The following CCSER1 variants were observed in gnomAD, a reference collection of about 807,000 sequenced individuals.
CCSER1 encodes the protein coiled-coil serine rich protein 1.
Under a neutral mutation model 82.0 loss-of-function variants are expected in CCSER1, and 41 were observed. The observed-to-expected ratio is 0.50, with a 90% confidence interval of 0.39 to 0.65. CCSER1 has a LOEUF of 0.65. Ranked by LOEUF, CCSER1 falls within the 30% of genes least tolerant of loss-of-function variation. The pLI, the probability that CCSER1 is intolerant of heterozygous loss-of-function variation, is 0.00. For synonymous variants in CCSER1, 414 were observed against 383.9 expected, an observed-to-expected ratio of 1.08 and a Z score of -0.92; for missense variants, 1,119 against 1,064.2, an observed-to-expected ratio of 1.05 and a Z score of -0.72.
At position 91,598,670 on chromosome 4, in the gene CCSER1, G is replaced by A. The variant is rs1397732187; in HGVS notation, c.2316G>A (p.Ala772=). The change falls in exon 11 of 11, where the codon GCG becomes GCA. Residue 772 remains alanine (A), a synonymous_variant. Coordinates refer to ENST00000509176, the MANE Select transcript of CCSER1 (RefSeq NM_001145065.2). The part of the protein sequence containing the change: ...PTEDRFRYSA[A]DQTSPYKNKT... ...AGGACCGTTTTAGGTATTCGGCAGC[G>A]GACCAGACAAGCCCCTACAAAAACA... is the stretch of plus-strand genomic sequence containing the variant. 4 of 1,551,072 alleles carry A rather than the reference G, an allele frequency of 2.6e-6. No homozygotes were observed. The highest frequency in any genetic ancestry group is 3.5e-6 in the Non-Finnish European group (4 of 1,146,846).
intron 3 of CCSER1, among the ~76,000 whole-genome samples, chr4:90,349,190 G>C (rs895921767): frequency 6.6e-6 from 1 of 151,936 alleles, no homozygotes; most frequent in East Asian, 1.9e-4. Flanking sequence ...CTAGTTTTAG[G>C]TTATCACTTA....
chr4:90,287,721 A>C (rs972238414), intron 1 of CCSER1, among the ~76,000 whole-genome samples: 5 of 152,008 alleles, frequency 3.3e-5, no homozygotes, highest in African/African-American at 1.2e-4. Flanking sequence ...CTTTGATATT[A>C]GAAATGAATT....
intron 1 of CCSER1, among the ~76,000 whole-genome samples, chr4:90,156,525 A>T (rs1187096851): frequency 6.6e-6 from 1 of 152,108 alleles, no homozygotes; most frequent in Non-Finnish European, 1.5e-5. Context: ...TTTGTAGGTC[A>T]CTGAGGACTT....
At chr4:90,936,568 T>G (rs1292780960) in intron 9 of CCSER1, among the ~76,000 whole-genome samples, 1 of 152,150 alleles carries the variant, frequency 6.6e-6, no homozygotes, top group Non-Finnish European at 1.5e-5. Context: ...TACATGTGTG[T>G]CTCTGAACAT....
At chr4:91,095,173 C>T (rs1489794312) in intron 10 of CCSER1, among the ~76,000 whole-genome samples, 4 of 152,176 alleles carry the variant, frequency 2.6e-5, no homozygotes, top group Non-Finnish European at 5.9e-5. Context: ...GCATTTGAGC[C>T]CGGTCCCCTT....
At chr4:91,418,826 G>A (rs1753529997) in intron 10 of CCSER1, among the ~76,000 whole-genome samples, 3 of 151,782 alleles carry the variant, frequency 2.0e-5, no homozygotes, top group African/African-American at 2.4e-5. Flanking sequence ...CCTGATAAAC[G>A]TATATGCAAA....
chr4:90,566,295 A>T (rs549002337), intron 5 of CCSER1, among the ~76,000 whole-genome samples: 5 of 151,760 alleles, frequency 3.3e-5, no homozygotes, highest in Non-Finnish European at 7.4e-5. Context: ...TTAGAGTGAG[A>T]CTGGCTTTTT....
At chr4:91,248,979 CTT>C (rs1740041773) in intron 10 of CCSER1, among the ~76,000 whole-genome samples, 1 of 152,110 alleles carries the variant, frequency 6.6e-6, no homozygotes, top group African/African-American at 2.4e-5. Context: ...TGGGTACACA[CTT>C]TGCCATAGAG....
At chr4:90,623,633 G>A (rs1722759905) in intron 5 of CCSER1, among the ~76,000 whole-genome samples, 1 of 152,186 alleles carries the variant, frequency 6.6e-6, no homozygotes, top group Non-Finnish European at 1.5e-5. Flanking sequence ...TTATCTAAAT[G>A]TACTGTTAAG....
At chr4:90,625,239 A>T (rs1481832484) in intron 5 of CCSER1, among the ~76,000 whole-genome samples, 1 of 151,980 alleles carries the variant, frequency 6.6e-6, no homozygotes, top group African/African-American at 2.4e-5. Flanking sequence ...CGTATTAGAG[A>T]TTTTTCTTCA....
chr4:90,288,875 T>G (rs535219902), intron 1 of CCSER1, among the ~76,000 whole-genome samples: 1 of 152,032 alleles, frequency 6.6e-6, no homozygotes, highest in African/African-American at 2.4e-5. Flanking sequence ...CTGTTTAGGA[T>G]GCATTGTTCA....
At chr4:91,112,014 C>A (rs1375669023) in intron 10 of CCSER1, among the ~76,000 whole-genome samples, 1 of 151,992 alleles carries the variant, frequency 6.6e-6, no homozygotes, top group African/African-American at 2.4e-5. Flanking sequence ...TTCAAATATG[C>A]CTTATTTCAT....
At chr4:90,460,324 C>CAAAAAAA (rs751331396) in intron 4 of CCSER1, among the ~76,000 whole-genome samples, 9 of 32,644 alleles carry the variant, frequency 2.8e-4, no homozygotes, top group African/African-American at 5.8e-4. Flanking sequence ...AACTCCGTCT[C>CAAAAAAA]AAAAAAAAAA....
intron 5 of CCSER1, among the ~76,000 whole-genome samples, chr4:90,585,528 T>A (rs1219861781): frequency 6.6e-5 from 10 of 152,232 alleles, no homozygotes; most frequent in African/African-American, 1.9e-4. Context: ...AATGCTTTCT[T>A]ATTCTTATAA....
intron 3 of CCSER1, among the ~76,000 whole-genome samples, chr4:90,373,753 A>T (rs1747851748): frequency 6.6e-6 from 1 of 152,094 alleles, no homozygotes; most frequent in East Asian, 1.9e-4. Context: ...TGTTTTTGTT[A>T]TGGACCGTCT....
At chr4:90,591,666 C>G (rs1030398421) in intron 5 of CCSER1, among the ~76,000 whole-genome samples, 4 of 152,104 alleles carry the variant, frequency 2.6e-5, no homozygotes, top group African/African-American at 9.7e-5. Flanking sequence ...CCATTTGACT[C>G]CGCAATCCCA....
intron 7 of CCSER1, among the ~76,000 whole-genome samples, chr4:90,783,087 A>G (rs2149621175): frequency 6.6e-6 from 1 of 151,916 alleles, no homozygotes; most frequent in Non-Finnish European, 1.5e-5. Context: ...GATTACGGGC[A>G]TAGGCCACCA....
intron 7 of CCSER1, among the ~76,000 whole-genome samples, chr4:90,799,335 A>C (rs1478657773): frequency 6.6e-6 from 1 of 152,134 alleles, no homozygotes; most frequent in Non-Finnish European, 1.5e-5. Context: ...CTGCAATGGC[A>C]GTTGGCGGAG....
In CCSER1 at chr4:90,723,741, A is replaced by G. The variant is rs1468269122; in HGVS notation, c.1933-173A>G. ...ATTTCCCAGATAATCATTTCTGTAT[A>G]AGGAATGATTTATTATATAATTATG... On this transcript the variant is annotated intron_variant, in intron 6 of 10. Transcript: ENST00000509176. Among the ~76,000 whole-genome samples, 6 of 152,090 alleles carry G rather than the reference A, an allele frequency of 3.9e-5. No homozygotes were observed. The East Asian group carries it at 1.2e-3, about 29-fold the overall frequency.
Sources: gnomAD v4.1 joint callset for allele counts (sites outside exome capture counted in the v4.1 genomes callset) on GRCh38, gnomAD v4.1.1 for gene constraint, MANE v1.5 for transcripts, NCBI Gene and HGNC (gene_info 2026-07-23, HGNC 2026-07-21) for gene names.